Variants in MAMLD1 observed in about 807,000 individuals in gnomAD.
MAMLD1 encodes mastermind like domain containing 1.
In MAMLD1, 14 loss-of-function variants were observed where a neutral mutation model predicts 45.0. The observed-to-expected ratio is 0.31, with a 90% CI of 0.21 to 0.49. MAMLD1 has a LOEUF of 0.49. Among genes scored for constraint, MAMLD1 ranks in the 20% least tolerant of loss-of-function variants. MAMLD1 has a pLI of 0.99. For synonymous variants in MAMLD1, 254 were observed against 247.8 expected (o/e 1.02, Z -0.24); for missense variants, 543 against 603.6 (o/e 0.90, Z 1.05).
intron 5 of MAMLD1, among the ~76,000 whole-genome samples, chrX:150,493,462 G>C (rs1557408055): frequency 4.5e-5 from 5 of 111,194 alleles, no homozygotes. Flanking sequence ...TCTTTTTTTG[G>C]AATCCACACC....
chrX:150,361,809 T>C (rs1401909129), upstream of MAMLD1: 1 of 112,601 alleles, frequency 8.9e-6, no homozygotes, highest in Non-Finnish European at 1.9e-5. Context: ...GGGCAGATGG[T>C]GGACAGGGCG....
chrX:150,365,407 G>A (rs1481285020), intron 1 of MAMLD1, among the ~76,000 whole-genome samples: 2 of 112,899 alleles, frequency 1.8e-5, no homozygotes, highest in Admixed American at 9.2e-5. Context: ...CGGGACGGCC[G>A]AGTGGACTGC....
At position 150,504,784 on chromosome X, in the gene MAMLD1, T is replaced by C. The variant is rs370974572; in HGVS notation, c.2284+1267T>C. 73 of 749,574 alleles carry C rather than the reference T, an allele frequency of 9.7e-5. 1 individual carries two copies. The East Asian group carries it at 2.4e-3, about 25-fold the overall frequency. 61.8% of individuals were successfully genotyped at this position (749,574 alleles called of 1,213,427 possible). A position where few individuals can be genotyped will look rare whatever the true frequency, so the allele number is the denominator to read the frequency against. On this transcript the variant is annotated intron_variant, in intron 6 of 7. Transcript: ENST00000370401. ...GCAGTGAAGTGGCAGAGCAGATTTGTGGCCCCAAATCTTCTCTAAGAACCT... is the reference window on the plus strand; with the variant it reads ...GCAGTGAAGTGGCAGAGCAGATTTGCGGCCCCAAATCTTCTCTAAGAACCT...
At chrX:150,420,411 G>A (rs1313894266) in intron 1 of MAMLD1, among the ~76,000 whole-genome samples, 1 of 108,057 alleles carries the variant, frequency 9.3e-6, no homozygotes, top group Non-Finnish European at 1.9e-5. Context: ...AGAGTAATTT[G>A]ATCGTCTAAA....
intron 1 of MAMLD1, among the ~76,000 whole-genome samples, chrX:150,378,447 A>G (rs1227898388): frequency 8.9e-6 from 1 of 111,854 alleles, no homozygotes; most frequent in Admixed American, 9.4e-5. Context: ...TCCCGTTGCA[A>G]TTAATGAGTA....
At chrX:150,403,972 G>GAAAGAAAGAAAGAAAGAAAGAAAGAA (rs2033918171) in intron 1 of MAMLD1, among the ~76,000 whole-genome samples, 13 of 89,552 alleles carry the variant, frequency 1.5e-4, no homozygotes, top group African/African-American at 4.9e-4. Flanking sequence ...AAGAAAGAAA[G>GAAAGAAAGAAAGAAAGAAAGAAAGAA]AAAGAAAGAA....
chrX:150,466,953 A>G (rs1382164785), intron 3 of MAMLD1, among the ~76,000 whole-genome samples: 1 of 111,261 alleles, frequency 9.0e-6, no homozygotes, highest in Non-Finnish European at 1.9e-5. Flanking sequence ...GGGATGCCAG[A>G]CCATTGCCCC....
chrX:150,447,019 CA>C (rs1426955588), intron 2 of MAMLD1, among the ~76,000 whole-genome samples: 1 of 112,327 alleles, frequency 8.9e-6, no homozygotes, highest in African/African-American at 3.2e-5. Flanking sequence ...AAAGTGTGGC[CA>C]GTAAGTAACT....
intron 1 of MAMLD1, among the ~76,000 whole-genome samples, chrX:150,431,302 C>T (rs973719553): frequency 9.0e-6 from 1 of 110,862 alleles, no homozygotes; most frequent in Non-Finnish European, 1.9e-5. Context: ...TTGCTGAACT[C>T]ATGTATGAGT....
intron 1 of MAMLD1, among the ~76,000 whole-genome samples, chrX:150,409,776 C>A (rs913474413): frequency 2.7e-5 from 3 of 112,287 alleles, no homozygotes; most frequent in African/African-American, 9.7e-5. Context: ...GCAAACCAAA[C>A]AGTATCCACT....
intron 3 of MAMLD1, among the ~76,000 whole-genome samples, chrX:150,466,238 A>G (rs2036215408): frequency 8.8e-6 from 1 of 113,028 alleles, no homozygotes; most frequent in Non-Finnish European, 1.9e-5. Context: ...GGCAGACGCT[A>G]TTACAGCAAG....
At chrX:150,480,373 AT>A (rs1170761634) in intron 5 of MAMLD1, among the ~76,000 whole-genome samples, 2 of 112,202 alleles carry the variant, frequency 1.8e-5, no homozygotes, top group Admixed American at 1.9e-4. Flanking sequence ...TGATTTTGTT[AT>A]TTTGCCTACA....
intron 2 of MAMLD1, among the ~76,000 whole-genome samples, chrX:150,448,602 A>G (rs915421944): frequency 1.8e-5 from 2 of 112,237 alleles, no homozygotes; most frequent in Non-Finnish European, 3.8e-5. Flanking sequence ...GGAACAGAAG[A>G]GTTTGACCTT....
At chrX:150,373,470 A>T (rs906998995) in intron 1 of MAMLD1, among the ~76,000 whole-genome samples, 29,762 of 102,816 alleles carry the variant, frequency 0.29, 3,637 homozygotes, top group Middle Eastern at 0.39. Flanking sequence ...TCTCTCTCAC[A>T]CACACACACA....
chrX:150,371,820 A>G (rs1398277226), intron 1 of MAMLD1, among the ~76,000 whole-genome samples: 3 of 111,798 alleles, frequency 2.7e-5, no homozygotes, highest in Non-Finnish European at 5.6e-5. Flanking sequence ...GCACCTGTAC[A>G]TAGTTAGCAC....
At chrX:150,477,989 G>A (rs1557406934) in intron 5 of MAMLD1, among the ~76,000 whole-genome samples, 1 of 111,672 alleles carries the variant, frequency 9.0e-6, no homozygotes, top group Admixed American at 9.4e-5. Context: ...TCTCGTTTCC[G>A]TCCTTCTTCT....
intron 1 of MAMLD1, among the ~76,000 whole-genome samples, chrX:150,397,089 G>A (rs1262918860): frequency 8.9e-6 from 1 of 112,096 alleles, no homozygotes; most frequent in Non-Finnish European, 1.9e-5. Flanking sequence ...ACATTGTCGT[G>A]CAATGTCTCC....
intron 5 of MAMLD1, among the ~76,000 whole-genome samples, chrX:150,477,171 G>A (rs183486615): frequency 1.6e-4 from 17 of 109,458 alleles, no homozygotes; most frequent in Admixed American, 1.4e-3. Context: ...CACCTTTTCC[G>A]CGGGGCAAGC....
At chrX:150,403,311 GGAT>G (rs1199910088) in intron 1 of MAMLD1, among the ~76,000 whole-genome samples, 1 of 111,557 alleles carries the variant, frequency 9.0e-6, no homozygotes, top group Non-Finnish European at 1.9e-5. Flanking sequence ...GGGGTGTGGG[GGAT>G]GATGAGTGAC....
Sources: gnomAD v4.1 joint callset for allele counts (sites outside exome capture counted in the v4.1 genomes callset) on GRCh38, gnomAD v4.1.1 for gene constraint, MANE v1.5 for transcripts, NCBI Gene and HGNC (gene_info 2026-07-23, HGNC 2026-07-21) for gene names.